Variants in TBC1D8 observed in about 807,000 individuals in gnomAD.
The protein encoded by TBC1D8 is BUB2-like protein 1.
In TBC1D8, 65 loss-of-function variants were observed where a neutral mutation model predicts 118.8. That is an observed-to-expected ratio of 0.55 (90% CI 0.45 to 0.67). The LOEUF (loss-of-function observed/expected upper bound fraction) is 0.67. TBC1D8 is among the 30% of genes least tolerant of loss of function. TBC1D8 has a pLI of 0.00. For synonymous variants in TBC1D8, 566 were observed against 595.8 expected (o/e 0.95, Z 0.73); for missense variants, 1,376 against 1,471.2 (o/e 0.94, Z 1.06).
intron 1 of TBC1D8, among the ~76,000 whole-genome samples, chr2:101,101,076 C>G (rs1271602885): frequency 6.6e-6 from 1 of 152,122 alleles, no homozygotes; most frequent in Admixed American, 6.6e-5. Context: ...ATCTTCTGCA[C>G]AGCAAAAGAA....
intron 2 of TBC1D8, among the ~76,000 whole-genome samples, chr2:101,060,752 CAG>C (rs1682707549): frequency 6.6e-6 from 1 of 152,164 alleles, no homozygotes; most frequent in South Asian, 2.1e-4. Context: ...ACGTGGGCAT[CAG>C]GTGTTTCTAC....
chr2:101,055,438 C>A (rs994648588), intron 3 of TBC1D8, among the ~76,000 whole-genome samples: 3 of 151,820 alleles, frequency 2.0e-5, no homozygotes, highest in African/African-American at 4.8e-5. Context: ...TTATTAGGTT[C>A]AAAAATGTTG....
intron 2 of TBC1D8, among the ~76,000 whole-genome samples, chr2:101,070,416 A>ATT (rs67281797): frequency 0.048 from 6,985 of 144,484 alleles, 458 homozygotes; most frequent in East Asian, 0.13. Context: ...AACAAATCTG[A>ATT]TTTTTTTTTT....
At chr2:101,029,455 A>T (rs1275180860) in intron 12 of TBC1D8, 36 bp downstream of exon 12, 1 of 1,593,916 alleles carries the variant, frequency 6.3e-7, no homozygotes, top group South Asian at 1.1e-5. Flanking sequence ...TGCCTCCTCC[A>T]TCTCTGGTTG....
intron 5 of TBC1D8, among the ~76,000 whole-genome samples, chr2:101,049,022 T>C (rs1681885836): frequency 2.0e-5 from 3 of 152,190 alleles, no homozygotes; most frequent in Admixed American, 6.5e-5. Flanking sequence ...GACACTCAGA[T>C]TGCTTCTACC....
intron 2 of TBC1D8, among the ~76,000 whole-genome samples, chr2:101,073,872 T>C (rs1335948175): frequency 6.6e-6 from 1 of 152,236 alleles, no homozygotes; most frequent in Non-Finnish European, 1.5e-5. Context: ...CTAAAAGAGA[T>C]GTTGTGGCTT....
In TBC1D8 at chr2:101,007,642, A is replaced by C; in HGVS notation, c.*179T>G. 1.5e-6 allele frequency: 1 copy of C among 646,646 alleles called. No homozygotes were observed. The highest frequency in any genetic ancestry group is 2.0e-5 in the South Asian group (1 of 50,826). The allele number at this position is 646,646 out of a possible 1,614,324, so 40.1% of individuals were successfully genotyped here. A position where few individuals can be genotyped will look rare whatever the true frequency, so the allele number is the denominator to read the frequency against. On this transcript the variant is annotated 3_prime_UTR_variant, in exon 20 of 20. Transcript: ENST00000409318. ...ATACCTTAGGGCACTGACAATTCTC[A>C]ATACATAGAAATGCTTGAGGGTTGT...
chr2:101,127,825 G>A (rs1345034), intron 1 of TBC1D8, among the ~76,000 whole-genome samples: 21,792 of 152,154 alleles, frequency 0.14, 1,969 homozygotes, highest in East Asian at 0.27. Context: ...CCTGAGTCCT[G>A]CTCGGAGCTC....
intron 17 of TBC1D8, among the ~76,000 whole-genome samples, chr2:101,017,420 T>C (rs1351178278): frequency 6.6e-6 from 1 of 152,240 alleles, no homozygotes; most frequent in African/African-American, 2.4e-5. Context: ...GCAATAGAGT[T>C]GTTTACACCA....
At chr2:101,121,119 T>G (rs191145945) in intron 1 of TBC1D8, among the ~76,000 whole-genome samples, 1 of 152,136 alleles carries the variant, frequency 6.6e-6, no homozygotes, top group Non-Finnish European at 1.5e-5. Context: ...GAAAATATAT[T>G]AAAGTATCTC....
intron 1 of TBC1D8, among the ~76,000 whole-genome samples, chr2:101,119,934 C>G (rs1678022017): frequency 6.6e-6 from 1 of 152,174 alleles, no homozygotes; most frequent in Non-Finnish European, 1.5e-5. Flanking sequence ...AGATAATAGT[C>G]TCTCCTGCTG....
intron 1 of TBC1D8, among the ~76,000 whole-genome samples, chr2:101,122,071 CTTT>C (rs544230458): frequency 1.5e-5 from 2 of 131,066 alleles, no homozygotes; most frequent in Non-Finnish European, 3.2e-5. Context: ...ATTTCTTTTT[CTTT>C]TTTTTTTTTT....
At chr2:101,116,236 T>A (rs1054245228) in intron 1 of TBC1D8, among the ~76,000 whole-genome samples, 1 of 152,164 alleles carries the variant, frequency 6.6e-6, no homozygotes, top group Non-Finnish European at 1.5e-5. Flanking sequence ...ACAAGGGCCC[T>A]GAGAATGCCC....
At position 101,151,325 on chromosome 2, in the gene TBC1D8, C is replaced by G. The variant is rs1266620612; in HGVS notation, c.-72G>C. ...GCCGCCGGTCGCTGTGAGCCGAGCCCGCTCGAGAGGCGACGGCGGCGCGCG... is the reference window on the plus strand; with the variant it reads ...GCCGCCGGTCGCTGTGAGCCGAGCCGGCTCGAGAGGCGACGGCGGCGCGCG... On this transcript the variant is annotated 5_prime_UTR_variant, in exon 1 of 20. Transcript: ENST00000409318. 5 of 1,091,704 alleles carry G rather than the reference C, an allele frequency of 4.6e-6. No homozygotes were observed. The East Asian group carries it at 2.7e-4, about 58-fold the overall frequency. 67.6% of individuals were successfully genotyped at this position (1,091,704 alleles called of 1,614,324 possible). A position where few individuals can be genotyped will look rare whatever the true frequency, so the allele number is the denominator to read the frequency against.
intron 1 of TBC1D8, among the ~76,000 whole-genome samples, chr2:101,131,492 A>G (rs1368551444): frequency 6.6e-6 from 1 of 150,658 alleles, no homozygotes; most frequent in Non-Finnish European, 1.5e-5. Context: ...CAGCCTGGGC[A>G]ACAAGAGCGA....
intron 2 of TBC1D8, among the ~76,000 whole-genome samples, chr2:101,075,715 G>A (rs1458466761): frequency 6.6e-6 from 1 of 152,160 alleles, no homozygotes; most frequent in Non-Finnish European, 1.5e-5. Flanking sequence ...CAGCCATGCT[G>A]AGCTGTGAGT....
intron 1 of TBC1D8, among the ~76,000 whole-genome samples, chr2:101,102,362 G>A (rs1220382222): frequency 6.6e-6 from 1 of 152,040 alleles, no homozygotes; most frequent in Non-Finnish European, 1.5e-5. Flanking sequence ...GCTGAGGCAG[G>A]AGAATTGCTT....
chr2:101,019,282 C>A, intron 17 of TBC1D8: 1 of 404,862 alleles, frequency 2.5e-6, no homozygotes, highest in East Asian at 3.6e-5. Context: ...CACACAAATT[C>A]ACATTTGATG....
chr2:101,051,024 G>C (rs959424370), intron 4 of TBC1D8, among the ~76,000 whole-genome samples: 1 of 152,148 alleles, frequency 6.6e-6, no homozygotes, highest in African/African-American at 2.4e-5. Flanking sequence ...TGGTTTTCTT[G>C]CGTGTTAATT....
Sources: allele counts gnomAD v4.1 joint callset (sites outside exome capture counted in the v4.1 genomes callset), GRCh38; gene constraint gnomAD v4.1.1; transcripts MANE v1.5; gene names NCBI Gene and HGNC (gene_info 2026-07-23, HGNC 2026-07-21).